The following NOP9 variants were observed in gnomAD, a reference collection of about 807,000 sequenced individuals.
NOP9 encodes the protein nucleolar protein 9.
In NOP9, 50 loss-of-function variants were observed where a neutral mutation model predicts 63.0. The observed-to-expected ratio is 0.79, with a 90% CI of 0.63 to 1.00. The LOEUF (loss-of-function observed/expected upper bound fraction) is 1.00. NOP9 is among the 50% of genes least tolerant of loss of function. The pLI is 0.00. For missense variants in NOP9, 758 were observed against 803.0 expected, an observed-to-expected ratio of 0.94 and a Z score of 0.68; for synonymous variants, 343 against 332.8, an observed-to-expected ratio of 1.03 and a Z score of -0.33.
the NOP9 span, chr14:24,293,219 A>G: frequency 3.2e-5 from 5 of 157,882 alleles, no homozygotes; most frequent in South Asian, 1.8e-4. Flanking sequence ...TTATAGCTCA[A>G]TAAGACCTTT....
the NOP9 span, among the ~76,000 whole-genome samples, chr14:24,272,264 C>T: frequency 3.3e-5 from 5 of 152,220 alleles, no homozygotes; most frequent in South Asian, 2.1e-4. Flanking sequence ...GTCTTGCAAG[C>T]TTAAATAACA....
At chr14:24,299,779 C>G (rs546567915), upstream of NOP9, 66 of 738,560 alleles carry the variant, frequency 8.9e-5, 1 homozygote, top group Middle Eastern at 8.0e-4. Flanking sequence ...GCGGAGCGAT[C>G]TGGGTGACAC....
chr14:24,291,492 T>G, the NOP9 span: 2 of 1,540,908 alleles, frequency 1.3e-6, no homozygotes, highest in South Asian at 2.2e-5. Flanking sequence ...ATCTGGGCAC[T>G]GGATGCTACC....
chr14:24,284,853 C>T, the NOP9 span, among the ~76,000 whole-genome samples: 1 of 152,236 alleles, frequency 6.6e-6, no homozygotes, highest in East Asian at 1.9e-4. Context: ...CTCGTGTGTG[C>T]TCCTCACTCT....
Position 24,301,610 on chromosome 14 carries a change from A to G in NOP9, c.698-2A>G, listed in dbSNP as rs781233063. 3 of 1,614,176 alleles carry G rather than the reference A, an allele frequency of 1.9e-6. No homozygotes were observed. Among genetic ancestry groups the G allele is most frequent in the Admixed American group, 3.3e-5 (2 of 60,024 alleles). Reference sequence around the variant, plus strand: ...CTGCACATGTTCTTAATCTTCCTTCAGAAGCACAGAAGACCCCAGCTCAGG... The same window carrying G: ...CTGCACATGTTCTTAATCTTCCTTCGGAAGCACAGAAGACCCCAGCTCAGG... On this transcript the variant is annotated splice_acceptor_variant, in intron 2 of 9. Transcript: ENST00000267425. LOFTEE classifies it high-confidence loss of function.
At chr14:24,299,715 G>C (rs1023167446), upstream of NOP9, 5 of 506,488 alleles carry the variant, frequency 9.9e-6, no homozygotes, top group East Asian at 1.6e-4. Flanking sequence ...GGGCGATTCT[G>C]TGCTGAGGTA....
the NOP9 span, among the ~76,000 whole-genome samples, chr14:24,272,008 G>T: frequency 6.6e-6 from 1 of 152,054 alleles, no homozygotes; most frequent in Non-Finnish European, 1.5e-5. Flanking sequence ...CTTCTCATCT[G>T]TTCACCTCCA....
At chr14:24,294,892 C>T (rs1031621030), upstream of NOP9, among the ~76,000 whole-genome samples, 4 of 152,188 alleles carry the variant, frequency 2.6e-5, no homozygotes, top group Non-Finnish European at 4.4e-5. Flanking sequence ...CATGAGCTGA[C>T]GCTGCCTGGT....
the NOP9 span, chr14:24,292,252 C>A: frequency 6.2e-7 from 1 of 1,614,200 alleles, no homozygotes; most frequent in Non-Finnish European, 8.5e-7. Context: ...TCTGTCTGCA[C>A]AATCCCCGGC....
chr14:24,280,391 A>G, the NOP9 span, among the ~76,000 whole-genome samples: 40 of 152,244 alleles, frequency 2.6e-4, no homozygotes, highest in African/African-American at 9.2e-4. Flanking sequence ...GGCTCGGTCA[A>G]GTGCCTCTTC....
the NOP9 span, among the ~76,000 whole-genome samples, chr14:24,281,265 A>C: frequency 6.6e-6 from 1 of 152,158 alleles, no homozygotes; most frequent in Non-Finnish European, 1.5e-5. Flanking sequence ...GATAGCAGGG[A>C]TCAATGAGTC....
chr14:24,304,079 A>G lies in NOP9; in HGVS notation c.1449A>G (p.Thr483=). Residue 483 remains threonine, a synonymous_variant, in exon 8 of 10, where the codon ACA becomes ACG. Transcript: ENST00000267425. ...MAAARALGDV[T]VLGSLLLQHL... is the part of the protein sequence containing the mutation. ...CAGCCAGAGCCTTGGGGGATGTGAC[A>G]GTCCTTGGGTCTCTACTGCTCCAGC... 6.2e-7 allele frequency: 1 copy of G among 1,614,220 alleles called. No individual in the cohort carries two copies. Among genetic ancestry groups the G allele is most frequent in the Non-Finnish European group, 8.5e-7 (1 of 1,180,026 alleles).
the NOP9 span, among the ~76,000 whole-genome samples, chr14:24,274,472 G>A: frequency 6.6e-6 from 1 of 152,170 alleles, no homozygotes; most frequent in South Asian, 2.1e-4. Context: ...GAGAGGCTGA[G>A]CCAGGTGCCT....
rs1349619109 is a variant in NOP9 at position 24,302,336 on chromosome 14, T to TG, written c.1056dup (p.Gln353AlafsTer28). ...CTCCAGAGCCTCTTTGAGGAGCACT[T>TG]GCAGGGGCAGCTGCAGACCCTGGCT... On this transcript the variant is annotated frameshift_variant, in exon 5 of 10. Transcript: ENST00000267425. LOFTEE classifies it high-confidence loss of function. 9 of 1,614,142 alleles carry TG rather than the reference T, an allele frequency of 5.6e-6. No individual in the cohort carries two copies. Among genetic ancestry groups the TG allele is most frequent in the Non-Finnish European group, 5.9e-6 (7 of 1,180,004 alleles).
At chr14:24,292,546 A>T in the NOP9 span, 1 of 1,590,618 alleles carries the variant, frequency 6.3e-7, no homozygotes, top group Non-Finnish European at 8.6e-7. Context: ...GGAGGAGCTG[A>T]GAGGAGCCAG....
chr14:24,306,047 G>A lies in NOP9; in HGVS notation c.*952G>A. 4 of 1,614,136 alleles carry A rather than the reference G, an allele frequency of 2.5e-6. No individual in the cohort carries two copies. Among genetic ancestry groups the A allele is most frequent in the Non-Finnish European group, 3.4e-6 (4 of 1,180,022 alleles). On this transcript the variant is annotated 3_prime_UTR_variant, in exon 10 of 10. Transcript: ENST00000267425. ...TTCAGGCTGCCAAAGAGGTCTCGAG[G>A]GTTTTGCTTGTACACGTCAAAGGTG...
chr14:24,276,831 A>G, the NOP9 span, among the ~76,000 whole-genome samples: 1 of 152,380 alleles, frequency 6.6e-6, no homozygotes, highest in East Asian at 1.9e-4. Flanking sequence ...TCACTGAGGC[A>G]TAATGTATTA....
In NOP9 at chr14:24,299,958, G is replaced by A. The variant is rs762205692; in HGVS notation, c.4G>A (p.Gly2Arg). The change falls in exon 1 of 10, where the codon GGG becomes AGG. Residue 2 changes from glycine to arginine, a missense_variant. Physicochemically the swap from Gly to Arg is moderately radical, Grantham distance 125 (BLOSUM62 -2). Transcript: ENST00000267425. Reference protein sequence around the residue: MGQGPRSPHKVG... With the variant: MRQGPRSPHKVG... The stretch of plus-strand genomic sequence containing the variant: ...CCGGACAGGTCGCGAAGCACACATG[G>A]GGCAGGGTCCGCGCTCTCCACACAA... 1.9e-5 allele frequency: 29 copies of A among 1,553,616 alleles called. No homozygotes were observed. In the Middle Eastern group the frequency reaches 7.0e-4, roughly 38 times the overall value.
chr14:24,281,945 C>T, the NOP9 span, among the ~76,000 whole-genome samples: 17 of 152,338 alleles, frequency 1.1e-4, no homozygotes, highest in African/African-American at 3.6e-4. Flanking sequence ...CAGTGGCTCA[C>T]GCCTGTAATC....
Sources: allele counts gnomAD v4.1 joint callset (sites outside exome capture counted in the v4.1 genomes callset), GRCh38; gene constraint gnomAD v4.1.1; transcripts MANE v1.5; gene names NCBI Gene and HGNC (gene_info 2026-07-23, HGNC 2026-07-21).